The following GALNTL6 variants were observed in gnomAD, a reference collection of about 807,000 sequenced individuals.
GALNTL6 encodes polypeptide N-acetylgalactosaminyltransferase-like 6.
In GALNTL6, 46 loss-of-function variants were observed where a neutral mutation model predicts 73.7. That is an observed-to-expected ratio of 0.62 (90% CI 0.49 to 0.80). The LOEUF (loss-of-function observed/expected upper bound fraction) is 0.80. Among genes scored for constraint, GALNTL6 ranks in the 30% least tolerant of loss-of-function variants. GALNTL6 has a pLI of 0.00. For synonymous variants in GALNTL6, 259 were observed against 263.7 expected, an observed-to-expected ratio of 0.98 and a Z score of 0.17; for missense variants, 604 against 755.0, an observed-to-expected ratio of 0.80 and a Z score of 2.34.
chr4:172,584,708 G>C (rs1174095509), intron 5 of GALNTL6, among the ~76,000 whole-genome samples: 1 of 152,204 alleles, frequency 6.6e-6, no homozygotes, highest in Non-Finnish European at 1.5e-5. Context: ...AATGAATTCA[G>C]TTTTGAACTA....
intron 5 of GALNTL6, among the ~76,000 whole-genome samples, chr4:172,611,133 A>G (rs1274997554): frequency 1.3e-5 from 2 of 152,004 alleles, no homozygotes; most frequent in Non-Finnish European, 2.9e-5. Context: ...TTTTTTATCC[A>G]TATTGCCACT....
At chr4:172,695,230 A>G (rs989259472) in intron 5 of GALNTL6, among the ~76,000 whole-genome samples, 8 of 152,180 alleles carry the variant, frequency 5.3e-5, no homozygotes, top group African/African-American at 1.9e-4. Context: ...ACAACAAAAA[A>G]GATGTAATGA....
At chr4:171,971,881 T>TTGTGTGTG (rs1739580806) in intron 2 of GALNTL6, among the ~76,000 whole-genome samples, 1 of 152,008 alleles carries the variant, frequency 6.6e-6, no homozygotes. Flanking sequence ...GTGAGTGTGT[T>TTGTGTGTG]TGTGTGTGTA....
At chr4:172,811,208 A>G (rs1339653618) in intron 6 of GALNTL6, among the ~76,000 whole-genome samples, 1 of 152,116 alleles carries the variant, frequency 6.6e-6, no homozygotes, top group Non-Finnish European at 1.5e-5. Flanking sequence ...TCAGTTTCCC[A>G]TTAAGTCTGT....
At chr4:172,306,518 T>A (rs1377932928) in intron 3 of GALNTL6, among the ~76,000 whole-genome samples, 1 of 152,364 alleles carries the variant, frequency 6.6e-6, no homozygotes, top group Non-Finnish European at 1.5e-5. Context: ...TTTGTTTACA[T>A]GGATAAATTT....
intron 3 of GALNTL6, among the ~76,000 whole-genome samples, chr4:172,234,496 C>T (rs1428766221): frequency 6.6e-6 from 1 of 152,072 alleles, no homozygotes; most frequent in African/African-American, 2.4e-5. Context: ...ATCTGTTTTG[C>T]TGAGAGTTTG....
At chr4:171,995,202 T>C (rs1740451365) in intron 2 of GALNTL6, among the ~76,000 whole-genome samples, 1 of 152,022 alleles carries the variant, frequency 6.6e-6, no homozygotes, top group Non-Finnish European at 1.5e-5. Context: ...TATAATGAGA[T>C]GGTGTTAAAT....
Position 172,481,178 on chromosome 4 carries a change from C to T in GALNTL6, c.553+132489C>T, listed in dbSNP as rs143747125. Among the ~76,000 whole-genome samples the T allele has an allele frequency of 5.6e-3, 854 of 152,098 alleles. 7 individuals carry two copies. The highest frequency in any genetic ancestry group is 0.019 in the African/African-American group (805 of 41,484). On this transcript the variant is annotated intron_variant, in intron 5 of 12. Coordinates refer to ENST00000506823, the MANE Select transcript of GALNTL6 (RefSeq NM_001034845.3). Reference sequence around the variant, plus strand: ...CTTGCTGGCTTCAGGAGTGAAGCTGCAGACCTTCACGATGAGTGTTACAGC... The same window carrying T: ...CTTGCTGGCTTCAGGAGTGAAGCTGTAGACCTTCACGATGAGTGTTACAGC...
intron 5 of GALNTL6, among the ~76,000 whole-genome samples, chr4:172,520,564 T>C (rs1379088024): frequency 6.6e-6 from 1 of 151,904 alleles, no homozygotes; most frequent in Non-Finnish European, 1.5e-5. Flanking sequence ...TCAACTGGAT[T>C]AAAAATATTT....
chr4:172,032,260 C>T (rs1461443307), intron 2 of GALNTL6, among the ~76,000 whole-genome samples: 1 of 152,046 alleles, frequency 6.6e-6, no homozygotes, highest in Non-Finnish European at 1.5e-5. Flanking sequence ...AAAACACAAG[C>T]TTCTCATTTA....
At chr4:172,748,443 C>G (rs1737235638) in intron 5 of GALNTL6, among the ~76,000 whole-genome samples, 1 of 152,172 alleles carries the variant, frequency 6.6e-6, no homozygotes, top group East Asian at 1.9e-4. Flanking sequence ...TCCACGCAGA[C>G]AGACAGTGGC....
intron 2 of GALNTL6, among the ~76,000 whole-genome samples, chr4:172,227,187 G>A (rs28712494): frequency 0.014 from 2,183 of 152,250 alleles, 57 homozygotes; most frequent in African/African-American, 0.05. Flanking sequence ...CTAGGAGCCA[G>A]TACCTGCATC....
intron 5 of GALNTL6, among the ~76,000 whole-genome samples, chr4:172,787,555 G>T (rs895937827): frequency 7.2e-5 from 11 of 152,156 alleles, no homozygotes; most frequent in African/African-American, 2.7e-4. Flanking sequence ...TAAAGCAAAG[G>T]TTCCCACTAT....
At chr4:172,949,836 G>C (rs1749354914) in intron 9 of GALNTL6, among the ~76,000 whole-genome samples, 1 of 151,216 alleles carries the variant, frequency 6.6e-6, no homozygotes, top group East Asian at 1.9e-4. Context: ...TTGAAGCTGG[G>C]AGGCAGAGGT....
intron 2 of GALNTL6, among the ~76,000 whole-genome samples, chr4:172,044,352 G>T (rs1193171716): frequency 1.3e-5 from 2 of 151,564 alleles, no homozygotes; most frequent in African/African-American, 4.8e-5. Context: ...TAAATACATG[G>T]CACTTTAAAG....
intron 5 of GALNTL6, among the ~76,000 whole-genome samples, chr4:172,491,361 A>AAAC (rs1733887630): frequency 2.6e-5 from 4 of 151,902 alleles, no homozygotes; most frequent in African/African-American, 9.7e-5. Context: ...CAAAAACAAA[A>AAAC]GGTGAGGTAA....
At chr4:172,969,241 C>A (rs747882989) in intron 10 of GALNTL6, among the ~76,000 whole-genome samples, 1 of 151,752 alleles carries the variant, frequency 6.6e-6, no homozygotes, top group Non-Finnish European at 1.5e-5. Flanking sequence ...CAATAAGAGA[C>A]CATGGAAGGC....
chr4:172,252,563 G>A (rs1737918140), intron 3 of GALNTL6, among the ~76,000 whole-genome samples: 1 of 151,878 alleles, frequency 6.6e-6, no homozygotes, highest in African/African-American at 2.4e-5. Context: ...AGAGAGGATG[G>A]GAAAAGCTTT....
rs538566574 is a variant in GALNTL6 at position 172,244,873 on chromosome 4, G to T, written c.247+15109G>T. Among the ~76,000 whole-genome samples, 3 of 152,116 alleles carry T rather than the reference G, an allele frequency of 2.0e-5. No homozygotes were observed. The South Asian group carries it at 6.2e-4, about 32-fold the overall frequency. On this transcript the variant is annotated intron_variant, in intron 3 of 12. Coordinates refer to ENST00000506823, the MANE Select transcript of GALNTL6 (RefSeq NM_001034845.3). ...CCAAATCTTTTTTCCTCTTAGTATT[G>T]TATTTATGCTTTTGCAAAAATCCCT...
Sources: allele counts gnomAD v4.1 joint callset (sites outside exome capture counted in the v4.1 genomes callset), GRCh38; gene constraint gnomAD v4.1.1; transcripts MANE v1.5; gene names NCBI Gene and HGNC (gene_info 2026-07-23, HGNC 2026-07-21).